JMY: variants seen among roughly 807,000 people sequenced by gnomAD.
The protein encoded by JMY is junction mediating and regulatory protein, p53 cofactor.
In JMY, 46 loss-of-function variants were observed where a neutral mutation model predicts 103.3. The observed-to-expected ratio is 0.45, with a 90% CI of 0.35 to 0.57. The LOEUF (loss-of-function observed/expected upper bound fraction) is 0.57. Among genes scored for constraint, JMY ranks in the 20% least tolerant of loss-of-function variants. The pLI is 0.00. For synonymous variants in JMY, 526 were observed against 489.3 expected (o/e 1.07, Z -0.99); for missense variants, 1,238 against 1,255.2 (o/e 0.99, Z 0.21).
intron 1 of JMY, among the ~76,000 whole-genome samples, chr5:79,258,003 T>C (rs1745298711): frequency 6.6e-6 from 1 of 152,162 alleles, no homozygotes; most frequent in South Asian, 2.1e-4. Flanking sequence ...CCTCAAGTGG[T>C]CCGCCTGCCT....
intron 1 of JMY, among the ~76,000 whole-genome samples, chr5:79,269,146 G>T (rs1007145981): frequency 1.3e-5 from 2 of 151,076 alleles, no homozygotes; most frequent in Non-Finnish European, 2.9e-5. Context: ...TTAATTCCAT[G>T]ATCAATTTTG....
intron 2 of JMY, among the ~76,000 whole-genome samples, chr5:79,285,674 G>A (rs1478696731): frequency 6.6e-6 from 1 of 151,710 alleles, no homozygotes; most frequent in Non-Finnish European, 1.5e-5. Context: ...AGCTAATCAT[G>A]TTGTTAGATC....
At chr5:79,281,451 C>G (rs537059599) in intron 2 of JMY, among the ~76,000 whole-genome samples, 11 of 147,786 alleles carry the variant, frequency 7.4e-5, no homozygotes, top group Admixed American at 6.9e-4. Flanking sequence ...TCAGGATCAT[C>G]GAGATGTCAC....
Position 79,327,172 on chromosome 5 carries a change from TTCC to T in JMY, c.*5573_*5575del, listed in dbSNP as rs1428896092. ...TACAGTTTTGGTGCTTTTAACAATA[TTCC>T]TCTTTTTCTTTAATAAAGGATATTT... is the stretch of plus-strand genomic sequence containing the variant. On this transcript the variant is annotated 3_prime_UTR_variant, in exon 11 of 11. Coordinates refer to ENST00000396137, the MANE Select transcript of JMY (RefSeq NM_152405.5). 7 of 148,936 alleles carry T rather than the reference TTCC, an allele frequency of 4.7e-5. No homozygotes were observed. Among genetic ancestry groups the T allele is most frequent in the African/African-American group, 1.8e-4 (7 of 39,530 alleles). The allele number at this position is 148,936 out of a possible 1,614,324, so 9.2% of individuals were successfully genotyped here.
chr5:79,259,134 C>G (rs1035841393), intron 1 of JMY, among the ~76,000 whole-genome samples: 3 of 152,238 alleles, frequency 2.0e-5, no homozygotes, highest in African/African-American at 7.2e-5. Flanking sequence ...ATCATTTCTT[C>G]AGCTCTCAGT....
At chr5:79,286,292 A>G (rs546286636) in intron 2 of JMY, among the ~76,000 whole-genome samples, 3 of 152,334 alleles carry the variant, frequency 2.0e-5, no homozygotes, top group African/African-American at 7.2e-5. Flanking sequence ...AACAAAGTAC[A>G]AGTTACTTTC....
At chr5:79,276,061 A>C (rs75359879) in intron 1 of JMY, among the ~76,000 whole-genome samples, 8,518 of 152,256 alleles carry the variant, frequency 0.056, 538 homozygotes, top group African/African-American at 0.15. Context: ...AATGGAGTCC[A>C]TGTATGCATA....
chr5:79,316,953 A>AGTCC (rs928786630), intron 10 of JMY, among the ~76,000 whole-genome samples: 1 of 147,046 alleles, frequency 6.8e-6, no homozygotes, highest in African/African-American at 2.5e-5. Context: ...TCGCTTCTGT[A>AGTCC]GTCCCAGTTA....
At chr5:79,290,789 C>T (rs773357153) in intron 3 of JMY, among the ~76,000 whole-genome samples, 21 of 152,094 alleles carry the variant, frequency 1.4e-4, no homozygotes, top group Non-Finnish European at 2.9e-4. Context: ...AGTTCAAGAC[C>T]AGCCTGGCCA....
rs1747649855 is a variant in JMY, at chr5:79,326,468, T to C, written c.*4866T>C. 2 of 152,162 alleles carry C rather than the reference T, an allele frequency of 1.3e-5. No individual in the cohort carries two copies. Among genetic ancestry groups the C allele is most frequent in the South Asian group, 4.1e-4 (2 of 4,832 alleles). 9.4% of individuals were successfully genotyped at this position (152,162 alleles called of 1,614,324 possible). A position where few individuals can be genotyped will look rare whatever the true frequency, so the allele number is the denominator to read the frequency against. ...TCTGCATAATCACTAGGTGGCATTT[T>C]CCCTTCATTTGTGAACCAAGAGGGG... On this transcript the variant is annotated 3_prime_UTR_variant, in exon 11 of 11. Coordinates refer to ENST00000396137, the MANE Select transcript of JMY (RefSeq NM_152405.5).
rs1747165312 is a variant in JMY, at chr5:79,314,800, A to G, written c.2608A>G (p.Ser870Gly). ...AHLFDSSQLV[S>G]ARKKLRKTAE... ...CCTCTTTGACAGCAGCCAGCTGGTC[A>G]GTGCACGGAAGAAGCTCAGAAAGAC... Residue 870 changes from serine (S) to glycine (G), a missense_variant, in exon 9 of 11, where the codon AGT becomes GGT. Coordinates refer to ENST00000396137, the MANE Select transcript of JMY (RefSeq NM_152405.5). 6.2e-7 allele frequency: 1 copy of G among 1,602,666 alleles called. No homozygotes were observed. Among genetic ancestry groups the G allele is most frequent in the East Asian group, 2.2e-5 (1 of 44,802 alleles).
At chr5:79,283,415 A>G (rs1282906895) in intron 2 of JMY, among the ~76,000 whole-genome samples, 1 of 152,222 alleles carries the variant, frequency 6.6e-6, no homozygotes, top group Non-Finnish European at 1.5e-5. Context: ...GTATTAAAGT[A>G]TGATAGGAAA....
intron 1 of JMY, among the ~76,000 whole-genome samples, chr5:79,271,868 G>C (rs1186100914): frequency 1.3e-5 from 2 of 152,130 alleles, no homozygotes; most frequent in Non-Finnish European, 2.9e-5. Context: ...AAGTGCTTTG[G>C]GAGGCCGAGG....
chr5:79,262,799 G>A (rs1031529588), intron 1 of JMY, among the ~76,000 whole-genome samples: 1 of 152,160 alleles, frequency 6.6e-6, no homozygotes, highest in African/African-American at 2.4e-5. Context: ...TCTGTCTGAG[G>A]ACAAAAAGCA....
chr5:79,288,605 G>C (rs796943295), intron 2 of JMY, among the ~76,000 whole-genome samples: 26 of 151,642 alleles, frequency 1.7e-4, no homozygotes, highest in African/African-American at 6.3e-4. Flanking sequence ...AGTCTGCCCA[G>C]ACTTTGCACC....
chr5:79,255,101 G>C (rs1189989925), intron 1 of JMY, among the ~76,000 whole-genome samples: 2 of 147,860 alleles, frequency 1.4e-5, no homozygotes, highest in African/African-American at 5.1e-5. Flanking sequence ...TGAATTCTCT[G>C]TCTGAAAGGT....
intron 1 of JMY, among the ~76,000 whole-genome samples, chr5:79,273,267 ATTTTTTC>A (rs1362472143): frequency 6.6e-6 from 1 of 151,410 alleles, no homozygotes; most frequent in African/African-American, 2.4e-5. Flanking sequence ...TTAACTGTTT[ATTTTTTC>A]TTTGTTCAGG....
chr5:79,295,367 CT>C (rs1746537016), intron 4 of JMY, among the ~76,000 whole-genome samples: 1 of 152,194 alleles, frequency 6.6e-6, no homozygotes, highest in African/African-American at 2.4e-5. Flanking sequence ...AAACTTAACT[CT>C]TTAGGAAAGC....
At chr5:79,280,885 T>C (rs1295932342) in intron 2 of JMY, among the ~76,000 whole-genome samples, 1 of 151,788 alleles carries the variant, frequency 6.6e-6, no homozygotes, top group Admixed American at 6.6e-5. Context: ...TACTGGTTAC[T>C]TGTTACTTCT....
Sources: allele counts gnomAD v4.1 joint callset (sites outside exome capture counted in the v4.1 genomes callset), GRCh38; gene constraint gnomAD v4.1.1; transcripts MANE v1.5; gene names NCBI Gene and HGNC (gene_info 2026-07-23, HGNC 2026-07-21).